PRRC2C: variants seen among roughly 807,000 people sequenced by gnomAD.
PRRC2C encodes the protein protein PRRC2C.
In PRRC2C, 72 loss-of-function variants were observed where a neutral mutation model predicts 317.2. The observed-to-expected ratio is 0.23, with a 90% CI of 0.19 to 0.28. The LOEUF is 0.28. Among genes scored for constraint, PRRC2C ranks in the 10% least tolerant of loss-of-function variants. The probability of loss-of-function intolerance (pLI) is 1.00; values close to 1 mark genes in which losing one functional copy is unlikely to be tolerated. For missense variants in PRRC2C, 3,074 were observed against 3,459.7 expected, an observed-to-expected ratio of 0.89 and a Z score of 2.80; for synonymous variants, 1,296 against 1,205.9, an observed-to-expected ratio of 1.07 and a Z score of -1.55.
In PRRC2C at chr1:171,499,000, A is replaced by G. The variant is rs148182927; in HGVS notation, c.-57-13032A>G. On this transcript the variant is annotated intron_variant, in intron 1 of 34. Coordinates refer to ENST00000647382, the MANE Select transcript of PRRC2C (RefSeq NM_001387844.1). ...TTGTTCATTTTGTTTAGAGACCAAG[A>G]TCTCTCACTAAGTTGCACAGGCTGA... 3.3e-3 allele frequency among the ~76,000 whole-genome samples: 507 copies of G among 152,250 alleles called. 6 individuals are homozygous for G. The highest frequency in any genetic ancestry group is 0.012 in the African/African-American group (483 of 41,544).
rs140117468 is a variant in PRRC2C, at chr1:171,575,952, G to A, written c.6955+824G>A. 6.6e-3 allele frequency among the ~76,000 whole-genome samples: 1,006 copies of A among 151,988 alleles called. 8 individuals are homozygous for A. The highest frequency in any genetic ancestry group is 0.021 in the Middle Eastern group (6 of 292). On this transcript the variant is annotated intron_variant, in intron 25 of 34. Coordinates refer to ENST00000647382, the MANE Select transcript of PRRC2C (RefSeq NM_001387844.1). The stretch of plus-strand genomic sequence containing the variant: ...TTGCTTTTTAGTATTCCAGCCCACC[G>A]TGCTATTTTTAGGTACCAAAAAGCT...
At chr1:171,493,924 A>G (rs1433817679) in intron 1 of PRRC2C, among the ~76,000 whole-genome samples, 2 of 152,256 alleles carry the variant, frequency 1.3e-5, no homozygotes, top group Non-Finnish European at 2.9e-5. Flanking sequence ...TAAGAGCTTT[A>G]TACACACTTT....
At chr1:171,548,187 A>G (rs1284658920) in intron 17 of PRRC2C, among the ~76,000 whole-genome samples, 2 of 148,636 alleles carry the variant, frequency 1.3e-5, no homozygotes, top group Non-Finnish European at 3.0e-5. Context: ...CAGGCTAGTC[A>G]GGAACTCCTG....
At chr1:171,582,171 A>T (rs764074909) in intron 28 of PRRC2C, among the ~76,000 whole-genome samples, 1 of 152,184 alleles carries the variant, frequency 6.6e-6, no homozygotes, top group Non-Finnish European at 1.5e-5. Context: ...AGTTGGGGCT[A>T]TTGGGGCTAT....
chr1:171,531,599 G>T (rs866361254), intron 11 of PRRC2C, among the ~76,000 whole-genome samples: 10 of 152,226 alleles, frequency 6.6e-5, no homozygotes, highest in Middle Eastern at 3.4e-3. Context: ...AAATCAATAT[G>T]TTAAAAACAT....
At chr1:171,556,932 G>A (rs1196250123) in intron 18 of PRRC2C, among the ~76,000 whole-genome samples, 1 of 152,222 alleles carries the variant, frequency 6.6e-6, no homozygotes, top group African/African-American at 2.4e-5. Flanking sequence ...TTAAGACTGT[G>A]AGTAGCATTT....
At chr1:171,552,360 G>A (rs1680417861) in intron 18 of PRRC2C, among the ~76,000 whole-genome samples, 1 of 152,132 alleles carries the variant, frequency 6.6e-6, no homozygotes, top group African/African-American at 2.4e-5. Flanking sequence ...AGGAGATTTT[G>A]GGCTGAGACG....
At chr1:171,554,296 CT>C (rs1374748899) in intron 18 of PRRC2C, among the ~76,000 whole-genome samples, 5 of 151,958 alleles carry the variant, frequency 3.3e-5, no homozygotes, top group Admixed American at 6.6e-5. Flanking sequence ...GCAACCCCTG[CT>C]TTTTTTGTTT....
chr1:171,496,736 A>T (rs1388733434), intron 1 of PRRC2C, among the ~76,000 whole-genome samples: 2 of 151,974 alleles, frequency 1.3e-5, no homozygotes, highest in African/African-American at 4.8e-5. Context: ...CTTGTATTAC[A>T]AAATGACATT....
At chr1:171,527,507 A>C (rs1674861232) in intron 10 of PRRC2C, among the ~76,000 whole-genome samples, 1 of 151,420 alleles carries the variant, frequency 6.6e-6, no homozygotes, top group African/African-American at 2.4e-5. Context: ...CTGTAATCCT[A>C]GCACTTTAGG....
chr1:171,503,625 A>G (rs767212318), intron 1 of PRRC2C, among the ~76,000 whole-genome samples: 9 of 152,064 alleles, frequency 5.9e-5, no homozygotes, highest in Admixed American at 1.3e-4. Flanking sequence ...TAATCATTCT[A>G]TAATTTTAGC....
chr1:171,539,929 G>A, intron 15 of PRRC2C, 42 bp from the exon 16 acceptor site: 2 of 1,494,442 alleles, frequency 1.3e-6, no homozygotes, highest in East Asian at 4.5e-5. Flanking sequence ...GCATGGGAAA[G>A]ATTGCTTTGT....
At chr1:171,587,292 T>C in intron 31 of PRRC2C, 71 bp downstream of exon 31, 2 of 1,378,680 alleles carry the variant, frequency 1.5e-6, no homozygotes, top group South Asian at 2.9e-5. Context: ...TGCATCTGTG[T>C]TATCTAAAAA....
chr1:171,591,343 C>T (rs928052508), intron 34 of PRRC2C: 4 of 700,178 alleles, frequency 5.7e-6, no homozygotes, highest in East Asian at 3.8e-5. Flanking sequence ...GAGGGCAGAC[C>T]TTGAAAAGGT....
intron 20 of PRRC2C, among the ~76,000 whole-genome samples, chr1:171,562,926 G>T (rs1682969269): frequency 6.6e-6 from 1 of 152,188 alleles, no homozygotes; most frequent in African/African-American, 2.4e-5. Flanking sequence ...TCCAGGAAAT[G>T]TAGGAATTAG....
chr1:171,503,506 A>G (rs1331266474), intron 1 of PRRC2C, among the ~76,000 whole-genome samples: 1 of 151,896 alleles, frequency 6.6e-6, no homozygotes. Flanking sequence ...CTTGAGCAAC[A>G]GAGTGAGACT....
Position 171,532,527 on chromosome 1 carries a change from A to T in PRRC2C, c.1439A>T (p.Lys480Met). 6.2e-7 allele frequency: 1 copy of T among 1,603,080 alleles called. No homozygotes were observed. Among genetic ancestry groups the T allele is most frequent in the Non-Finnish European group, 8.5e-7 (1 of 1,174,898 alleles). ...GAGCGAAGAATGGAAGAACAAAGGA[A>T]GGCAGCTTGTGCGGAGAAACTGAAA... ...EEERRMEEQR[K>M]AACAEKLKRL... Residue 480 changes from lysine to methionine, a missense_variant, in exon 12 of 35, where the codon AAG (lysine) becomes ATG (methionine). By Grantham distance (95) the Lys-to-Met change is moderately conservative. Transcript: ENST00000647382.
rs533066387 is a variant in PRRC2C, at chr1:171,582,783, G to T, written c.7410-1173G>T. 9.9e-5 allele frequency among the ~76,000 whole-genome samples: 15 copies of T among 151,610 alleles called. No individual in the cohort carries two copies. The East Asian group carries it at 2.7e-3, about 27-fold the overall frequency. ...ACTGGCAGTTGCTGTAGGTGAGTCA[G>T]TGAGTGAGTGGCGAGTGATATTACT... On this transcript the variant is annotated intron_variant, in intron 28 of 34. Coordinates refer to ENST00000647382, the MANE Select transcript of PRRC2C (RefSeq NM_001387844.1).
At position 171,550,186 on chromosome 1, in the gene PRRC2C, A is replaced by G; in HGVS notation, c.5073A>G (p.Gln1691=). The G allele has an allele frequency of 6.2e-7, 1 of 1,607,696 alleles. No individual in the cohort carries two copies. The highest frequency in any genetic ancestry group is 1.1e-5 in the South Asian group (1 of 89,826). The change falls in exon 18 of 35, where the codon CAA becomes CAG. Residue 1691 remains glutamine (Q), a synonymous_variant. Coordinates refer to ENST00000647382, the MANE Select transcript of PRRC2C (RefSeq NM_001387844.1). Reference sequence around the variant, plus strand: ...TTACTGAAGTGGTATCCAAAAAACAACAAAAACGTTTACAGGATGAAGAAC... The same window carrying G: ...TTACTGAAGTGGTATCCAAAAAACAGCAAAAACGTTTACAGGATGAAGAAC... ...DGFTEVVSKK[Q]QKRLQDEERR...
Sources: allele counts gnomAD v4.1 joint callset (sites outside exome capture counted in the v4.1 genomes callset), GRCh38; gene constraint gnomAD v4.1.1; transcripts MANE v1.5; gene names NCBI Gene and HGNC (gene_info 2026-07-23, HGNC 2026-07-21).